Variants in KALRN observed in about 807,000 individuals in gnomAD.
KALRN encodes the protein kalirin.
Under a neutral mutation model 353.7 loss-of-function variants are expected in KALRN, and 70 were observed. The observed-to-expected ratio is 0.20, with a 90% CI of 0.16 to 0.24. KALRN has a LOEUF of 0.24. Among genes scored for constraint, KALRN ranks in the 10% least tolerant of loss-of-function variants. The pLI is 1.00. For synonymous variants in KALRN, 1,391 were observed against 1,434.8 expected (o/e 0.97, Z 0.69); for missense variants, 2,791 against 3,756.7 (o/e 0.74, Z 6.72).
At chr3:124,687,733 C>T (rs1389736220) in intron 51 of KALRN, among the ~76,000 whole-genome samples, 1 of 151,790 alleles carries the variant, frequency 6.6e-6, no homozygotes, top group African/African-American at 2.4e-5. Flanking sequence ...AACAAGGAAT[C>T]AGTATCATAC....
chr3:124,034,433 C>T (rs1172832990), intron 1 of KALRN, among the ~76,000 whole-genome samples: 1 of 152,206 alleles, frequency 6.6e-6, no homozygotes, highest in Non-Finnish European at 1.5e-5. Context: ...CCCTTGTCCT[C>T]CTCTTCAGTT....
chr3:124,493,356 C>T (rs2063370182), intron 32 of KALRN, among the ~76,000 whole-genome samples: 1 of 152,164 alleles, frequency 6.6e-6, no homozygotes, highest in Admixed American at 6.5e-5. Context: ...ACTGCAACCC[C>T]CACAGAGACC....
intron 46 of KALRN, 28 bp from the exon 47 acceptor site, chr3:124,666,984 T>TA: frequency 6.4e-7 from 1 of 1,571,622 alleles, no homozygotes; most frequent in Non-Finnish European, 8.7e-7. Flanking sequence ...CTTTTAAATG[T>TA]AAAAAGGATC....
At chr3:124,265,341 C>CTGGA (rs2073398809) in intron 4 of KALRN, among the ~76,000 whole-genome samples, 3 of 94,366 alleles carry the variant, frequency 3.2e-5, no homozygotes, top group Non-Finnish European at 6.5e-5. Flanking sequence ...GTTACCCAGG[C>CTGGA]TGGAGTGCAG....
rs546661075 is a variant in KALRN, at chr3:124,310,087, T to C, written c.1092+11174T>C. On this transcript the variant is annotated intron_variant, in intron 6 of 59. Transcript: ENST00000682506. ...ACAAGGTTGCAGGATACAAAATGAA[T>C]AAACAAAAATTAATTGTCTTTCCAT... Among the ~76,000 whole-genome samples the C allele has an allele frequency of 2.4e-4, 37 of 152,088 alleles. 1 individual carries two copies. The South Asian group carries it at 7.7e-3, about 32-fold the overall frequency.
intron 33 of KALRN, among the ~76,000 whole-genome samples, chr3:124,510,565 C>G (rs1231049690): frequency 6.6e-6 from 1 of 151,850 alleles, no homozygotes. Context: ...TTACGTTTAT[C>G]CTCACCTTGA....
chr3:124,328,154 G>A (rs2080115274), intron 7 of KALRN, among the ~76,000 whole-genome samples: 1 of 152,086 alleles, frequency 6.6e-6, no homozygotes, highest in African/African-American at 2.4e-5. Flanking sequence ...AATAATACTT[G>A]TGTCAAGCAC....
intron 33 of KALRN, among the ~76,000 whole-genome samples, chr3:124,504,404 C>G (rs2064978226): frequency 6.6e-6 from 1 of 152,118 alleles, no homozygotes. Context: ...AAAAGCAGTG[C>G]TTTTGTAGTA....
intron 33 of KALRN, among the ~76,000 whole-genome samples, chr3:124,559,758 TTTC>T (rs1337711540): frequency 6.6e-6 from 1 of 152,154 alleles, no homozygotes; most frequent in African/African-American, 2.4e-5. Flanking sequence ...CCTCAAACCA[TTTC>T]CCCAGCACCC....
intron 1 of KALRN, among the ~76,000 whole-genome samples, chr3:124,215,994 C>T (rs562337300): frequency 1.7e-4 from 26 of 152,272 alleles, no homozygotes; most frequent in African/African-American, 5.8e-4. Context: ...CCTCCAATGG[C>T]GGGGGTGTCA....
rs1449591222 is a variant in KALRN, at chr3:124,696,275, CA to C, written c.7699+23del. The C allele has an allele frequency of 6.2e-7, 1 of 1,610,660 alleles. No individual in the cohort carries two copies. The highest frequency in any genetic ancestry group is 1.3e-5 in the African/African-American group (1 of 74,932). ...TGCAAGGTACAGCCTCTTTGTTAGTCAAACCTTTTGAAATATATATATATTT... is the reference window on the plus strand; with the variant it reads ...TGCAAGGTACAGCCTCTTTGTTAGTCAACCTTTTGAAATATATATATATTT... On this transcript the variant is annotated intron_variant, in intron 54 of 59. Coordinates refer to ENST00000682506, the MANE Select transcript of KALRN (RefSeq NM_001388419.1).
At chr3:124,242,451 G>T (rs1344622873) in intron 3 of KALRN, among the ~76,000 whole-genome samples, 3 of 152,248 alleles carry the variant, frequency 2.0e-5, no homozygotes, top group African/African-American at 7.2e-5. Flanking sequence ...ATCCAGTGAA[G>T]AGATGAGGAG....
chr3:124,459,839 A>G (rs1278447679), intron 23 of KALRN, among the ~76,000 whole-genome samples: 1 of 152,242 alleles, frequency 6.6e-6, no homozygotes, highest in East Asian at 1.9e-4. Context: ...TGAAGAAACT[A>G]AAGCTGCTGT....
intron 25 of KALRN, among the ~76,000 whole-genome samples, chr3:124,470,508 G>T (rs1272165171): frequency 6.8e-6 from 1 of 146,410 alleles, no homozygotes; most frequent in Non-Finnish European, 1.5e-5. Context: ...CAATTGGTAT[G>T]CCTGGCACAA....
At chr3:124,475,076 T>A (rs1166502524) in intron 26 of KALRN, among the ~76,000 whole-genome samples, 1 of 152,150 alleles carries the variant, frequency 6.6e-6, no homozygotes, top group Non-Finnish European at 1.5e-5. Context: ...TAAAAAAAAT[T>A]TTTTATCTTT....
In KALRN at chr3:124,725,821, C is replaced by G. The variant is rs764990156; in HGVS notation, c.*6351C>G. The G allele has an allele frequency of 6.6e-6, 1 of 152,184 alleles. No individual in the cohort carries two copies. The allele number at this position is 152,184 out of a possible 1,614,324, so 9.4% of individuals were successfully genotyped here. ...CTTGGTTTTGAGTGACCCCTGCCCC[C>G]CTCAAGTCTTTTGAGAATTTGGAGT... On this transcript the variant is annotated 3_prime_UTR_variant, in exon 60 of 60. Coordinates refer to ENST00000682506, the MANE Select transcript of KALRN (RefSeq NM_001388419.1).
chr3:124,531,695 T>C (rs2068056775), intron 33 of KALRN, among the ~76,000 whole-genome samples: 1 of 152,156 alleles, frequency 6.6e-6, no homozygotes, highest in African/African-American at 2.4e-5. Flanking sequence ...AACTTACTCA[T>C]TATCACAAGA....
chr3:124,571,814 G>T (rs1162932305), intron 34 of KALRN, among the ~76,000 whole-genome samples: 1 of 151,570 alleles, frequency 6.6e-6, no homozygotes, highest in African/African-American at 2.4e-5. Context: ...TTTTTGTAGA[G>T]ATGAGGTTTC....
intron 33 of KALRN, among the ~76,000 whole-genome samples, chr3:124,513,771 T>G (rs558093790): frequency 6.6e-6 from 1 of 152,134 alleles, no homozygotes; most frequent in East Asian, 1.9e-4. Flanking sequence ...CTGATGTCTT[T>G]GCACTGGGGT....
Sources: gnomAD v4.1 joint callset for allele counts (sites outside exome capture counted in the v4.1 genomes callset) on GRCh38, gnomAD v4.1.1 for gene constraint, MANE v1.5 for transcripts, NCBI Gene and HGNC (gene_info 2026-07-23, HGNC 2026-07-21) for gene names.